Variants in SMCO3 observed in about 807,000 individuals in gnomAD.
The protein encoded by SMCO3 is single-pass membrane and coiled-coil domain-containing protein 3.
Under a neutral mutation model 12.0 loss-of-function variants are expected in SMCO3, and 6 were observed. The observed-to-expected ratio is 0.50, with a 90% CI of 0.27 to 0.99. The LOEUF (loss-of-function observed/expected upper bound fraction) is 0.99, where lower values mean the gene tolerates loss of function less well. SMCO3 is among the 50% of genes least tolerant of loss of function. The probability of loss-of-function intolerance (pLI) is 0.11; values close to 1 mark genes in which losing one functional copy is unlikely to be tolerated. For synonymous variants in SMCO3, 96 were observed against 96.4 expected (o/e 1.00, Z 0.02); for missense variants, 279 against 265.0 (o/e 1.05, Z -0.37).
rs750630915 is a variant in SMCO3 at position 14,806,639 on chromosome 12, C to T, written c.42G>A (p.Arg14=). 1.9e-6 allele frequency: 3 copies of T among 1,610,524 alleles called. No homozygotes were observed. The highest frequency in any genetic ancestry group is 2.2e-5 in the South Asian group (2 of 90,178). Residue 14 remains arginine, a synonymous_variant, in exon 2 of 2, where the codon AGG becomes AGA. Coordinates refer to ENST00000316048, the MANE Select transcript of SMCO3 (RefSeq NM_001013698.2). ...GGTGAAGACGATTTACTTCTTCCCGCCTTTTTGGGTTCTCTGGGTAAAGGA... is the reference window on the plus strand; with the variant it reads ...GGTGAAGACGATTTACTTCTTCCCGTCTTTTTGGGTTCTCTGGGTAAAGGA... ...SDFLYPENPK[R]REEVNRLHQQ...
At chr12:14,812,849 T>C (rs1394609330) in intron 1 of SMCO3, among the ~76,000 whole-genome samples, 1 of 152,138 alleles carries the variant, frequency 6.6e-6, no homozygotes, top group African/African-American at 2.4e-5. Context: ...AATGATCCTG[T>C]CACCCAGATA....
At chr12:14,807,123 T>C (rs776916649) in intron 1 of SMCO3, among the ~76,000 whole-genome samples, 2 of 152,242 alleles carry the variant, frequency 1.3e-5, no homozygotes, top group Non-Finnish European at 2.9e-5. Context: ...TGAGCCACTG[T>C]GCCCGCCCTC....
At chr12:14,813,199 C>T (rs142151625) in intron 1 of SMCO3, among the ~76,000 whole-genome samples, 13 of 152,266 alleles carry the variant, frequency 8.5e-5, no homozygotes, top group Admixed American at 3.9e-4. Context: ...AAAAGAAAAA[C>T]GTGACCCTGT....
chr12:14,809,175 T>G (rs1950099359), intron 1 of SMCO3, among the ~76,000 whole-genome samples: 1 of 152,186 alleles, frequency 6.6e-6, no homozygotes, highest in African/African-American at 2.4e-5. Context: ...TATGAAGGCA[T>G]AGTTTCCAGA....
chr12:14,810,661 T>C (rs1950122369), intron 1 of SMCO3, among the ~76,000 whole-genome samples: 1 of 152,232 alleles, frequency 6.6e-6, no homozygotes, highest in South Asian at 2.1e-4. Flanking sequence ...ATATATAATA[T>C]ATTGGCACTG....
chr12:14,813,596 A>G (rs1461926071), intron 1 of SMCO3, among the ~76,000 whole-genome samples: 2 of 152,252 alleles, frequency 1.3e-5, no homozygotes, highest in African/African-American at 4.8e-5. Context: ...TTTGAAAACG[A>G]CAATGTTCCT....
Position 14,806,707 on chromosome 12 carries a change from A to G in SMCO3, c.-16-11T>C. ...TTTCCAATATGATCGCTGAAAAATAAAATGGTAAATTTTTACTGAAAGTCT... is the reference window on the plus strand; with the variant it reads ...TTTCCAATATGATCGCTGAAAAATAGAATGGTAAATTTTTACTGAAAGTCT... On this transcript the variant is annotated splice_polypyrimidine_tract_variant and intron_variant, in intron 1 of 1. Coordinates refer to ENST00000316048, the MANE Select transcript of SMCO3 (RefSeq NM_001013698.2). The G allele has an allele frequency of 1.3e-6, 2 of 1,548,486 alleles. No individual in the cohort carries two copies.
Position 14,806,694 on chromosome 12 carries a change from T to G in SMCO3, c.-14A>C. On this transcript the variant is annotated splice_region_variant and 5_prime_UTR_variant, in exon 2 of 2. Transcript: ENST00000316048. ...ACTTTGGGCCATATTTCCAATATGA[T>G]CGCTGAAAAATAAAATGGTAAATTT... 1.3e-6 allele frequency: 2 copies of G among 1,561,486 alleles called. No individual in the cohort carries two copies. The highest frequency in any genetic ancestry group is 1.7e-6 in the Non-Finnish European group (2 of 1,158,232).
chr12:14,806,015 G>A lies in SMCO3; in HGVS notation c.666C>T (p.His222=). ...AITEVINTVK[H]QMK ...ATAAAACGGCTGTTCATTTCATTTG[G>A]TGTTTCACTGTATTGATGACCTCAG... The change falls in exon 2 of 2, where the codon CAC becomes CAT. Residue 222 remains histidine (H), a synonymous_variant. Transcript: ENST00000316048. The A allele has an allele frequency of 1.9e-6, 3 of 1,604,966 alleles. No individual in the cohort carries two copies. Among genetic ancestry groups the A allele is most frequent in the Non-Finnish European group, 2.6e-6 (3 of 1,174,878 alleles).
chr12:14,814,171 T>C lies in SMCO3; in HGVS notation c.-62A>G, dbSNP rs146238881. On this transcript the variant is annotated 5_prime_UTR_variant, in exon 1 of 2. In the 5' UTR this introduces an upstream ATG that the reference lacks. Coordinates refer to ENST00000316048, the MANE Select transcript of SMCO3 (RefSeq NM_001013698.2). ...CGTGGTCCTAGCAGTTGTTTAGGAGTATTGTTAAAGTGCTTTTTCATCTGG... is the reference window on the plus strand; with the variant it reads ...CGTGGTCCTAGCAGTTGTTTAGGAGCATTGTTAAAGTGCTTTTTCATCTGG... 5.3e-5 allele frequency: 8 copies of C among 152,174 alleles called. 1 individual carries two copies. In the East Asian group the frequency reaches 1.5e-3, roughly 29 times the overall value. 9.4% of individuals were successfully genotyped at this position (152,174 alleles called of 1,614,324 possible).
At chr12:14,812,336 TG>T (rs1440358597) in intron 1 of SMCO3, among the ~76,000 whole-genome samples, 3 of 151,910 alleles carry the variant, frequency 2.0e-5, no homozygotes, top group Admixed American at 1.3e-4. Flanking sequence ...CCCAGCTACT[TG>T]GGAGGCTGAG....
At chr12:14,810,643 A>G (rs1435822266) in intron 1 of SMCO3, among the ~76,000 whole-genome samples, 1 of 152,216 alleles carries the variant, frequency 6.6e-6, no homozygotes, top group Non-Finnish European at 1.5e-5. Flanking sequence ...TAAACAACCC[A>G]CACTTTAATA....
chr12:14,805,774 G>A lies in SMCO3; in HGVS notation c.*229C>T, dbSNP rs927809790. On this transcript the variant is annotated 3_prime_UTR_variant, in exon 2 of 2. Transcript: ENST00000316048. ...GTAGAGCAGGGTGTGAAAACATCCA[G>A]GGAGAAAATTTTTTTACCTCACAGG... 5.8e-6 allele frequency: 3 copies of A among 516,708 alleles called. No homozygotes were observed. Among genetic ancestry groups the A allele is most frequent in the African/African-American group, 5.8e-5 (3 of 51,710 alleles). 32.0% of individuals were successfully genotyped at this position (516,708 alleles called of 1,614,324 possible).
chr12:14,808,369 C>CT (rs994415969), intron 1 of SMCO3, among the ~76,000 whole-genome samples: 19 of 145,692 alleles, frequency 1.3e-4, no homozygotes, highest in East Asian at 2.0e-4. Flanking sequence ...GTGGCTGGTA[C>CT]TTTTTTTTTT....
chr12:14,812,321 G>A (rs1330335266), intron 1 of SMCO3, among the ~76,000 whole-genome samples: 1 of 152,160 alleles, frequency 6.6e-6, no homozygotes, highest in African/African-American at 2.4e-5. Flanking sequence ...GCGGGCGCCT[G>A]TAGTCCCAGC....
intron 1 of SMCO3, among the ~76,000 whole-genome samples, chr12:14,808,130 A>G (rs1592230825): frequency 6.6e-6 from 1 of 152,052 alleles, no homozygotes; most frequent in African/African-American, 2.4e-5. Flanking sequence ...GTGCCACTGC[A>G]CTCCAGCCTG....
chr12:14,806,532 C>T lies in SMCO3; in HGVS notation c.149G>A (p.Arg50Lys). The T allele has an allele frequency of 6.2e-7, 1 of 1,614,110 alleles. No individual in the cohort carries two copies. Among genetic ancestry groups the T allele is most frequent in the Non-Finnish European group, 8.5e-7 (1 of 1,180,022 alleles). Reference protein sequence around the residue: ...TEVLNMHLGCRLASIEMKRDG... With the variant: ...TEVLNMHLGCKLASIEMKRDG... ...TCTTTTCATCTCAATGGAGGCCAGC[C>T]TGCACCCCAAGTGCATATTTAGAAC... The change falls in exon 2 of 2, where the codon AGG (arginine) becomes AAG (lysine). Residue 50 changes from arginine to lysine, a missense_variant. Physicochemically the swap from Arg to Lys is conservative, Grantham distance 26. Coordinates refer to ENST00000316048, the MANE Select transcript of SMCO3 (RefSeq NM_001013698.2).
At position 14,805,986 on chromosome 12, in the gene SMCO3, GCAAATAAAACGGCTGTTCATTT is replaced by G. The variant is rs1950041724; in HGVS notation, c.673_*16del. On this transcript the variant is annotated stop_lost and 3_prime_UTR_variant, in exon 2 of 2. Transcript: ENST00000316048. ...AAGGAAGCAGAAAAACACTTCAGTG[GCAAATAAAACGGCTGTTCATTT>G]CATTTGGTGTTTCACTGTATTGATG... The G allele has an allele frequency of 6.3e-7, 1 of 1,579,158 alleles. No homozygotes were observed. Among genetic ancestry groups the G allele is most frequent in the Admixed American group, 1.8e-5 (1 of 55,304 alleles).
Position 14,805,817 on chromosome 12 carries a change from C to G in SMCO3, c.*186G>C, listed in dbSNP as rs1950038702. On this transcript the variant is annotated 3_prime_UTR_variant, in exon 2 of 2. Transcript: ENST00000316048. ...CTCACAGGGTCTAGCATCAGCTGATCCAGGCATTGTTGACTCAAAACTCAT... is the reference window on the plus strand; with the variant it reads ...CTCACAGGGTCTAGCATCAGCTGATGCAGGCATTGTTGACTCAAAACTCAT... 3 of 657,870 alleles carry G rather than the reference C, an allele frequency of 4.6e-6. No individual in the cohort carries two copies. Among genetic ancestry groups the G allele is most frequent in the Non-Finnish European group, 7.6e-6 (3 of 396,364 alleles). The allele number at this position is 657,870 out of a possible 1,614,324, so 40.8% of individuals were successfully genotyped here.
Sources: allele counts gnomAD v4.1 joint callset (sites outside exome capture counted in the v4.1 genomes callset), GRCh38; gene constraint gnomAD v4.1.1; transcripts MANE v1.5; gene names NCBI Gene and HGNC (gene_info 2026-07-23, HGNC 2026-07-21).